PSD3: variants seen among roughly 807,000 people sequenced by gnomAD.
The protein encoded by PSD3 is pleckstrin and Sec7 domain containing 3.
In PSD3, 49 loss-of-function variants were observed where a neutral mutation model predicts 105.5. The observed-to-expected ratio is 0.46, with a 90% CI of 0.37 to 0.59. The LOEUF is 0.59. PSD3 is among the 20% of genes least tolerant of loss of function. The probability of loss-of-function intolerance (pLI) is 0.00; values close to 1 mark genes in which losing one functional copy is unlikely to be tolerated. For synonymous variants in PSD3, 557 were observed against 457.8 expected, an observed-to-expected ratio of 1.22 and a Z score of -2.77; for missense variants, 1,561 against 1,263.8, an observed-to-expected ratio of 1.24 and a Z score of -3.57.
At position 18,749,382 on chromosome 8, in the gene PSD3, C is replaced by T. The variant is rs557971113; in HGVS notation, c.2172+16067G>A. On this transcript the variant is annotated intron_variant, in intron 9 of 15. Coordinates refer to ENST00000327040, the MANE Select transcript of PSD3 (RefSeq NM_015310.4). ...CAAAGGGGCTTTTCCAGATGCTGCC[C>T]AGTTGAAAGTCATTTCTCTTTATTC... Among the ~76,000 whole-genome samples the T allele has an allele frequency of 9.8e-5, 15 of 152,306 alleles. No homozygotes were observed. The South Asian group carries it at 3.1e-3, about 32-fold the overall frequency.
At chr8:18,841,682 C>T (rs1482702869) in intron 4 of PSD3, among the ~76,000 whole-genome samples, 1 of 152,032 alleles carries the variant, frequency 6.6e-6, no homozygotes, top group African/African-American at 2.4e-5. Flanking sequence ...ATGAAGATAG[C>T]CAAAATTCTT....
chr8:18,811,773 G>A (rs957042605), intron 4 of PSD3, among the ~76,000 whole-genome samples: 4 of 152,138 alleles, frequency 2.6e-5, no homozygotes, highest in African/African-American at 7.2e-5. Context: ...GGCAGTGAAC[G>A]GAGAATACCC....
intron 1 of PSD3, among the ~76,000 whole-genome samples, chr8:18,971,762 T>C (rs965185785): frequency 1.3e-5 from 2 of 152,070 alleles, no homozygotes; most frequent in Admixed American, 6.5e-5. Flanking sequence ...CTCAGCACTT[T>C]GGGAGGCCAA....
At chr8:18,879,023 A>AAAAC (rs1249345940) in intron 2 of PSD3, among the ~76,000 whole-genome samples, 8 of 146,918 alleles carry the variant, frequency 5.4e-5, no homozygotes, top group African/African-American at 1.0e-4. Context: ...CCCTCTGGAA[A>AAAAC]AAACAAACAA....
intron 12 of PSD3, among the ~76,000 whole-genome samples, chr8:18,594,660 G>T (rs1187238611): frequency 6.6e-6 from 1 of 151,160 alleles, no homozygotes; most frequent in African/African-American, 2.4e-5. Context: ...TGGGAGATTT[G>T]TTCTAGGACC....
At chr8:18,592,854 C>T (rs571786811) in intron 12 of PSD3, among the ~76,000 whole-genome samples, 8 of 152,216 alleles carry the variant, frequency 5.3e-5, no homozygotes, top group Admixed American at 5.2e-4. Flanking sequence ...ACAAACCTGA[C>T]AAGAACAAGA....
chr8:18,780,540 C>T (rs531883446), intron 8 of PSD3, among the ~76,000 whole-genome samples: 1 of 151,638 alleles, frequency 6.6e-6, no homozygotes, highest in Non-Finnish European at 1.5e-5. Context: ...GTAACACTTG[C>T]CTCCTCTATT....
chr8:18,901,367 T>C (rs1404872539), intron 2 of PSD3, among the ~76,000 whole-genome samples: 2 of 152,236 alleles, frequency 1.3e-5, no homozygotes, highest in Non-Finnish European at 1.5e-5. Context: ...GTCATGTTTT[T>C]TCATCCATTT....
intron 9 of PSD3, among the ~76,000 whole-genome samples, chr8:18,761,190 A>G (rs948647801): frequency 2.6e-5 from 4 of 152,158 alleles, no homozygotes; most frequent in African/African-American, 9.7e-5. Flanking sequence ...GTAAAAAGGT[A>G]AGGGTTAAGC....
chr8:18,745,286 G>A (rs1165471808), intron 9 of PSD3, among the ~76,000 whole-genome samples: 1 of 152,042 alleles, frequency 6.6e-6, no homozygotes, highest in Non-Finnish European at 1.5e-5. Flanking sequence ...AATAATTACT[G>A]CGATATTTGC....
At chr8:18,980,013 C>CT in intron 1 of PSD3, among the ~76,000 whole-genome samples, 1 of 152,282 alleles carries the variant, frequency 6.6e-6, no homozygotes, top group South Asian at 2.1e-4. Flanking sequence ...CAATTATACA[C>CT]TGATCTATGT....
intron 9 of PSD3, among the ~76,000 whole-genome samples, chr8:18,727,433 C>G (rs994329401): frequency 1.3e-5 from 2 of 151,562 alleles, no homozygotes; most frequent in Non-Finnish European, 2.9e-5. Flanking sequence ...CTCCTTGAGC[C>G]TGGGAGGTGG....
At chr8:19,027,661 G>A (rs1249751030) in intron 1 of PSD3, among the ~76,000 whole-genome samples, 1 of 152,138 alleles carries the variant, frequency 6.6e-6, no homozygotes, top group Non-Finnish European at 1.5e-5. Context: ...CCGTAGTTTT[G>A]TCTTTTTTAT....
At chr8:18,891,462 G>A (rs1046274163) in intron 2 of PSD3, among the ~76,000 whole-genome samples, 4 of 152,062 alleles carry the variant, frequency 2.6e-5, no homozygotes, top group Non-Finnish European at 5.9e-5. Flanking sequence ...TCAGTTCTAA[G>A]TTATTTGAGA....
chr8:18,782,166 ATT>A (rs1158406594), intron 8 of PSD3, among the ~76,000 whole-genome samples: 1 of 151,604 alleles, frequency 6.6e-6, no homozygotes, highest in African/African-American at 2.4e-5. Context: ...TATTTCATAG[ATT>A]TTTTTTAATA....
At chr8:18,749,494 A>C (rs934579720) in intron 9 of PSD3, among the ~76,000 whole-genome samples, 7 of 152,222 alleles carry the variant, frequency 4.6e-5, no homozygotes, top group African/African-American at 1.7e-4. Flanking sequence ...TCCCTTGATG[A>C]TTTAATCAAA....
chr8:18,605,046 C>G (rs983865214), intron 11 of PSD3, among the ~76,000 whole-genome samples: 1 of 152,234 alleles, frequency 6.6e-6, no homozygotes, highest in African/African-American at 2.4e-5. Flanking sequence ...AGGGTTAAAG[C>G]CCTCACACAG....
chr8:18,728,793 T>C (rs946844670), intron 9 of PSD3, among the ~76,000 whole-genome samples: 16 of 117,056 alleles, frequency 1.4e-4, no homozygotes, highest in Non-Finnish European at 2.1e-4. Context: ...AAATATAACC[T>C]TTATATGTCA....
intron 10 of PSD3, among the ~76,000 whole-genome samples, chr8:18,635,855 AGGGGAACATCATACACTG>A (rs1807208958): frequency 9.4e-6 from 1 of 105,900 alleles, no homozygotes; most frequent in African/African-American, 3.7e-5. Flanking sequence ...GGACACAAGG[AGGGGAACATCATACACTG>A]GGGCCTGTTG....
Sources: gnomAD v4.1 joint callset for allele counts (sites outside exome capture counted in the v4.1 genomes callset) on GRCh38, gnomAD v4.1.1 for gene constraint, MANE v1.5 for transcripts, NCBI Gene and HGNC (gene_info 2026-07-23, HGNC 2026-07-21) for gene names.